Variants in BMP6 observed in about 807,000 individuals in gnomAD.
BMP6 encodes the protein VG-1-R.
In BMP6, 17 loss-of-function variants were observed where a neutral mutation model predicts 54.1. That is an observed-to-expected ratio of 0.31 (90% CI 0.22 to 0.47). BMP6 has a LOEUF of 0.47. BMP6 is among the 20% of genes least tolerant of loss of function. BMP6 has a pLI of 1.00. For missense variants in BMP6, 720 were observed against 690.4 expected (o/e 1.04, Z -0.48); for synonymous variants, 328 against 291.2 (o/e 1.13, Z -1.28).
At position 7,845,479 on chromosome 6, in the gene BMP6, G is replaced by T; in HGVS notation, c.857+147G>T. The T allele has an allele frequency of 3.2e-6, 2 of 626,682 alleles. No homozygotes were observed. Among genetic ancestry groups the T allele is most frequent in the East Asian group, 3.2e-5 (1 of 31,610 alleles). The allele number at this position is 626,682 out of a possible 1,614,324, so 38.8% of individuals were successfully genotyped here. On this transcript the variant is annotated intron_variant, in intron 2 of 6. Transcript: ENST00000283147. Reference sequence around the variant, plus strand: ...ACGATGAGGTGGGTGTTGTAAATGGGAGTGTTTAGCTGGTGAGATCTTTTG... The same window carrying T: ...ACGATGAGGTGGGTGTTGTAAATGGTAGTGTTTAGCTGGTGAGATCTTTTG...
chr6:7,845,586 ACT>A (rs1333818828), intron 2 of BMP6, among the ~76,000 whole-genome samples: 1 of 152,174 alleles, frequency 6.6e-6, no homozygotes, highest in Admixed American at 6.5e-5. Flanking sequence ...TGATCAGATA[ACT>A]CCATAATTTA....
chr6:7,868,873 T>G (rs1412101042), intron 4 of BMP6, among the ~76,000 whole-genome samples: 2 of 151,972 alleles, frequency 1.3e-5, no homozygotes, highest in Non-Finnish European at 2.9e-5. Context: ...CCTCTCTCCC[T>G]CTCCCTCCCC....
chr6:7,774,542 ACT>A (rs1450333862), intron 1 of BMP6, among the ~76,000 whole-genome samples: 3 of 152,046 alleles, frequency 2.0e-5, no homozygotes, highest in South Asian at 4.2e-4. Flanking sequence ...ACAGAGGGAG[ACT>A]CTGTCTCAAA....
intron 1 of BMP6, 32 bp from the exon 2 acceptor site, chr6:7,845,108 T>A: frequency 6.4e-7 from 1 of 1,572,948 alleles, no homozygotes; most frequent in Non-Finnish European, 8.7e-7. Context: ...CAAGTAACAA[T>A]AGTTGTCACT....
chr6:7,761,988 C>A (rs1368501726), intron 1 of BMP6, among the ~76,000 whole-genome samples: 3 of 152,064 alleles, frequency 2.0e-5, no homozygotes, highest in Non-Finnish European at 4.4e-5. Context: ...GTGGCGTGAT[C>A]TCAGCTCACT....
chr6:7,853,602 A>G (rs1055145211), intron 2 of BMP6, among the ~76,000 whole-genome samples: 2 of 152,198 alleles, frequency 1.3e-5, no homozygotes, highest in Non-Finnish European at 2.9e-5. Flanking sequence ...ACACTATATT[A>G]TAGTTTGGGC....
In BMP6 at chr6:7,796,372, G is replaced by A. The variant is rs184484033; in HGVS notation, c.665-48768G>A. ...AAACTGCCACCCTCGTGGCCAAGAT[G>A]GCCTTGATCCTGTCGCAGGAAAGTC... is the stretch of plus-strand genomic sequence containing the variant. On this transcript the variant is annotated intron_variant, in intron 1 of 6. Transcript: ENST00000283147. Among the ~76,000 whole-genome samples, 8 of 152,360 alleles carry A rather than the reference G, an allele frequency of 5.3e-5. No homozygotes were observed. In the East Asian group the frequency reaches 1.5e-3, roughly 29 times the overall value.
At chr6:7,767,535 C>T (rs777234536) in intron 1 of BMP6, among the ~76,000 whole-genome samples, 35 of 152,258 alleles carry the variant, frequency 2.3e-4, no homozygotes, top group African/African-American at 3.6e-4. Context: ...GAGCGTCGAG[C>T]TTCTCAGGAA....
chr6:7,824,928 C>T (rs1758669339), intron 1 of BMP6, among the ~76,000 whole-genome samples: 1 of 152,172 alleles, frequency 6.6e-6, no homozygotes, highest in African/African-American at 2.4e-5. Context: ...CATTTCATAC[C>T]ACTGGCTTAT....
At chr6:7,735,537 A>C (rs1394486615) in intron 1 of BMP6, among the ~76,000 whole-genome samples, 5 of 152,198 alleles carry the variant, frequency 3.3e-5, no homozygotes, top group African/African-American at 1.2e-4. Flanking sequence ...GTAGACTCCC[A>C]TATCGGAATA....
chr6:7,754,108 T>A (rs1390876994), intron 1 of BMP6, among the ~76,000 whole-genome samples: 1 of 152,136 alleles, frequency 6.6e-6, no homozygotes, highest in Non-Finnish European at 1.5e-5. Flanking sequence ...TGTTGTTCTT[T>A]ATTGTCTTTT....
In BMP6 at chr6:7,814,221, T is replaced by C. The variant is rs553216405; in HGVS notation, c.665-30919T>C. 2.2e-4 allele frequency among the ~76,000 whole-genome samples: 34 copies of C among 152,360 alleles called. No individual in the cohort carries two copies. The Middle Eastern group carries it at 0.01, about 46-fold the overall frequency. ...CCCACATGGGCAATCTCCCTTCTGA[T>C]TGTACTCAAAGTCAACTGATTAGTA... On this transcript the variant is annotated intron_variant, in intron 1 of 6. Transcript: ENST00000283147.
intron 2 of BMP6, among the ~76,000 whole-genome samples, chr6:7,860,372 G>A (rs765210473): frequency 1.4e-4 from 21 of 152,174 alleles, no homozygotes; most frequent in Middle Eastern, 3.4e-3. Context: ...TCTTTCCATG[G>A]CCAAAATATA....
At chr6:7,792,204 C>G (rs1280624776) in intron 1 of BMP6, among the ~76,000 whole-genome samples, 1 of 152,158 alleles carries the variant, frequency 6.6e-6, no homozygotes, top group Non-Finnish European at 1.5e-5. Context: ...CGTTTTTGCT[C>G]TGAAAGCCTT....
At chr6:7,772,698 T>C (rs1272061600) in intron 1 of BMP6, among the ~76,000 whole-genome samples, 1 of 152,120 alleles carries the variant, frequency 6.6e-6, no homozygotes, top group African/African-American at 2.4e-5. Flanking sequence ...AAAATTTGGA[T>C]TTCTTCTCAG....
intron 1 of BMP6, among the ~76,000 whole-genome samples, chr6:7,766,468 A>T (rs1757689863): frequency 1.3e-5 from 2 of 152,182 alleles, no homozygotes; most frequent in South Asian, 4.1e-4. Flanking sequence ...TTTTTAAAAA[A>T]TTAACCAGAT....
rs374666559 is a variant in BMP6, at chr6:7,735,116, C to T, written c.664+7497C>T. On this transcript the variant is annotated intron_variant, in intron 1 of 6. Coordinates refer to ENST00000283147, the MANE Select transcript of BMP6 (RefSeq NM_001718.6). Reference sequence around the variant, plus strand: ...ACAGGGCGCAGAAAACAGTGCCCCTCGGAGGCAGAGCCCCGGAGCCCGCTC... The same window carrying T: ...ACAGGGCGCAGAAAACAGTGCCCCTTGGAGGCAGAGCCCCGGAGCCCGCTC... Among the ~76,000 whole-genome samples the T allele has an allele frequency of 1.2e-4, 19 of 152,334 alleles. No homozygotes were observed. The East Asian group carries it at 1.5e-3, about 12-fold the overall frequency.
chr6:7,763,055 C>T (rs1002384443), intron 1 of BMP6, among the ~76,000 whole-genome samples: 1 of 152,240 alleles, frequency 6.6e-6, no homozygotes, highest in Non-Finnish European at 1.5e-5. Context: ...CTTTGCATCC[C>T]CACACTCTGC....
At chr6:7,761,932 C>CT (rs1164121432) in intron 1 of BMP6, among the ~76,000 whole-genome samples, 1 of 152,194 alleles carries the variant, frequency 6.6e-6, no homozygotes, top group Non-Finnish European at 1.5e-5. Context: ...GAGTCTGACT[C>CT]TGTTGCCCAG....
Sources: allele counts gnomAD v4.1 joint callset (sites outside exome capture counted in the v4.1 genomes callset), GRCh38; gene constraint gnomAD v4.1.1; transcripts MANE v1.5; gene names NCBI Gene and HGNC (gene_info 2026-07-23, HGNC 2026-07-21).